The following GRIK2 variants were observed in gnomAD, a reference collection of about 807,000 sequenced individuals.
GRIK2 encodes the protein glutamate receptor ionotropic, kainate 2.
Under a neutral mutation model 100.3 loss-of-function variants are expected in GRIK2, and 32 were observed. That is an observed-to-expected ratio of 0.32 (90% CI 0.24 to 0.43). The LOEUF (loss-of-function observed/expected upper bound fraction) is 0.43. Ranked by LOEUF, GRIK2 falls within the 20% of genes least tolerant of loss-of-function variation. The pLI, the probability that GRIK2 is intolerant of heterozygous loss-of-function variation, is 1.00. For synonymous variants in GRIK2, 417 were observed against 389.4 expected (o/e 1.07, Z -0.83); for missense variants, 843 against 1,114.9 (o/e 0.76, Z 3.47).
chr6:101,747,915 G>A (rs369584470), intron 7 of GRIK2, among the ~76,000 whole-genome samples: 4 of 152,128 alleles, frequency 2.6e-5, no homozygotes, highest in African/African-American at 7.2e-5. Flanking sequence ...TTGGCAGGCC[G>A]TGTGCTATAG....
chr6:101,803,587 C>T (rs1780806688), intron 9 of GRIK2, among the ~76,000 whole-genome samples: 1 of 151,870 alleles, frequency 6.6e-6, no homozygotes, highest in African/African-American at 2.4e-5. Flanking sequence ...GTGTCCAAGA[C>T]TGGAGTTGAT....
chr6:101,870,052 T>G (rs1785301118), intron 11 of GRIK2, among the ~76,000 whole-genome samples: 1 of 152,008 alleles, frequency 6.6e-6, no homozygotes, highest in Non-Finnish European at 1.5e-5. Flanking sequence ...GTATTTAGTT[T>G]AATATTAAAC....
intron 2 of GRIK2, among the ~76,000 whole-genome samples, chr6:101,422,041 G>A (rs577410204): frequency 3.3e-5 from 5 of 152,176 alleles, no homozygotes; most frequent in Admixed American, 3.3e-4. Context: ...TACTTCATTT[G>A]AATTAAATTC....
chr6:101,844,968 A>C (rs1783721842), intron 10 of GRIK2, among the ~76,000 whole-genome samples: 1 of 151,978 alleles, frequency 6.6e-6, no homozygotes, highest in Admixed American at 6.6e-5. Context: ...AAAACTCTGT[A>C]TCCATTAATC....
chr6:101,834,857 T>C (rs986830415), intron 10 of GRIK2, among the ~76,000 whole-genome samples: 1 of 151,806 alleles, frequency 6.6e-6, no homozygotes, highest in Non-Finnish European at 1.5e-5. Context: ...TAAAAAAAAA[T>C]AGCCAGGAAT....
chr6:101,676,691 T>C lies in GRIK2; in HGVS notation c.610T>C (p.Leu204=). ...TAATCTTCGACTCAAAATTCGTCAG[T>C]TACCTGCTGATACAAAGGATGCAAA... The part of the protein sequence containing the change: ...RYNLRLKIRQ[L]PADTKDAKPL... Residue 204 remains leucine, a synonymous_variant, in exon 5 of 17, where the codon TTA becomes CTA. Transcript: ENST00000369134. 6.2e-7 allele frequency: 1 copy of C among 1,606,002 alleles called. No individual in the cohort carries two copies. The highest frequency in any genetic ancestry group is 8.5e-7 in the Non-Finnish European group (1 of 1,173,932).
In GRIK2 at chr6:101,688,300, A is replaced by G. The variant is rs147176725; in HGVS notation, c.951+1947A>G. Among the ~76,000 whole-genome samples, 385 of 151,764 alleles carry G rather than the reference A, an allele frequency of 2.5e-3. 6 individuals carry two copies. Among genetic ancestry groups the G allele is most frequent in the African/African-American group, 9.0e-3 (373 of 41,514 alleles). The stretch of plus-strand genomic sequence containing the variant: ...CACAGATAAATAAGTCCAATGACTA[A>G]TGTGCCCCTTCATGTATCAGAATCA... On this transcript the variant is annotated intron_variant, in intron 7 of 16. Coordinates refer to ENST00000369134, the MANE Select transcript of GRIK2 (RefSeq NM_021956.5).
rs139387597 is a variant in GRIK2, at chr6:101,781,987, A to G, written c.952-17661A>G. ...CGTTCCATCTTCCTATGACAGAAAG[A>G]GGGCTAGAGAGTTCTCTGGAGTCCC... On this transcript the variant is annotated intron_variant, in intron 7 of 16. Coordinates refer to ENST00000369134, the MANE Select transcript of GRIK2 (RefSeq NM_021956.5). 7.5e-3 allele frequency among the ~76,000 whole-genome samples: 1,149 copies of G among 152,254 alleles called. 7 individuals are homozygous for G. The highest frequency in any genetic ancestry group is 9.8e-3 in the Non-Finnish European group (665 of 68,008).
At chr6:101,475,920 T>C (rs1772204032) in intron 2 of GRIK2, among the ~76,000 whole-genome samples, 1 of 151,988 alleles carries the variant, frequency 6.6e-6, no homozygotes, top group South Asian at 2.1e-4. Context: ...AAAGGATAAA[T>C]ACTTTTAGAT....
At chr6:101,674,762 T>A (rs2128339282) in intron 4 of GRIK2, among the ~76,000 whole-genome samples, 1 of 152,322 alleles carries the variant, frequency 6.6e-6, no homozygotes, top group East Asian at 1.9e-4. Flanking sequence ...TACCATGCAA[T>A]TTTTGCAGCT....
intron 12 of GRIK2, among the ~76,000 whole-genome samples, chr6:101,903,485 A>C (rs1469123858): frequency 6.6e-6 from 1 of 151,830 alleles, no homozygotes; most frequent in East Asian, 1.9e-4. Flanking sequence ...ATTTTAAACC[A>C]CATTTTCTTT....
At chr6:101,443,507 G>A (rs1162460439) in intron 2 of GRIK2, among the ~76,000 whole-genome samples, 1 of 152,098 alleles carries the variant, frequency 6.6e-6, no homozygotes, top group Non-Finnish European at 1.5e-5. Context: ...AGGTTTCTGA[G>A]TTTTAATCAA....
intron 10 of GRIK2, among the ~76,000 whole-genome samples, chr6:101,825,268 T>A (rs902420008): frequency 1.3e-5 from 2 of 152,206 alleles, no homozygotes. Context: ...CCATATTTTT[T>A]CTTCTATTTC....
chr6:102,059,750 A>T (rs917617730), intron 16 of GRIK2, among the ~76,000 whole-genome samples: 1 of 150,656 alleles, frequency 6.6e-6, no homozygotes. Flanking sequence ...GACATACATA[A>T]TTTTTCTTTT....
At chr6:101,509,146 A>G (rs1191030869) in intron 2 of GRIK2, among the ~76,000 whole-genome samples, 2 of 131,416 alleles carry the variant, frequency 1.5e-5, no homozygotes, top group African/African-American at 6.2e-5. Context: ...TGACAGAGCG[A>G]GACTCTGTCT....
At chr6:101,554,278 G>A (rs1433362619) in intron 2 of GRIK2, among the ~76,000 whole-genome samples, 4 of 152,260 alleles carry the variant, frequency 2.6e-5, no homozygotes, top group East Asian at 1.9e-4. Flanking sequence ...CCTGAAGTTC[G>A]TGTTAGTGTC....
intron 2 of GRIK2, among the ~76,000 whole-genome samples, chr6:101,520,860 A>T (rs1027019631): frequency 6.6e-6 from 1 of 152,120 alleles, no homozygotes; most frequent in Non-Finnish European, 1.5e-5. Flanking sequence ...GAAAAAAGTC[A>T]ATTTTATGTA....
At chr6:101,578,318 G>T (rs1201155590) in intron 2 of GRIK2, among the ~76,000 whole-genome samples, 1 of 152,160 alleles carries the variant, frequency 6.6e-6, no homozygotes, top group Non-Finnish European at 1.5e-5. Flanking sequence ...AGCAGTACCA[G>T]GTTAAATCTG....
intron 2 of GRIK2, among the ~76,000 whole-genome samples, chr6:101,607,777 C>A (rs1779500034): frequency 6.6e-6 from 1 of 151,726 alleles, no homozygotes; most frequent in South Asian, 2.1e-4. Context: ...GATTAAGGAA[C>A]CAAGAGCCTT....
Sources: allele counts gnomAD v4.1 joint callset (sites outside exome capture counted in the v4.1 genomes callset), GRCh38; gene constraint gnomAD v4.1.1; transcripts MANE v1.5; gene names NCBI Gene and HGNC (gene_info 2026-07-23, HGNC 2026-07-21).